COPS7A: variants seen among roughly 807,000 people sequenced by gnomAD.
COPS7A encodes the protein COP9 signalosome complex subunit 7a.
Under a neutral mutation model 35.2 loss-of-function variants are expected in COPS7A, and 20 were observed. The observed-to-expected ratio is 0.57, with a 90% CI of 0.40 to 0.83. The LOEUF is 0.83. Ranked by LOEUF, COPS7A falls within the 40% of genes least tolerant of loss-of-function variation. The pLI is 0.00. For synonymous variants in COPS7A, 139 were observed against 141.4 expected, an observed-to-expected ratio of 0.98 and a Z score of 0.12; for missense variants, 247 against 347.5, an observed-to-expected ratio of 0.71 and a Z score of 2.30.
At chr12:6,724,289 G>A in intron 1 of COPS7A, 110 bp downstream of exon 1, 1 of 398,090 alleles carries the variant, frequency 2.5e-6, no homozygotes, top group Admixed American at 3.4e-5. Context: ...GGTTGTGGGC[G>A]CGTGCGGGGC....
intron 2 of COPS7A, 88 bp from the exon 3 acceptor site, chr12:6,727,838 G>T: frequency 8.0e-7 from 1 of 1,257,776 alleles, no homozygotes. Flanking sequence ...GGAAAGATGG[G>T]GCCAAAAAGT....
Sources: gnomAD v4.1 joint callset for allele counts on GRCh38, gnomAD v4.1.1 for gene constraint, MANE v1.5 for transcripts, NCBI Gene and HGNC (gene_info 2026-07-23, HGNC 2026-07-21) for gene names.